The following DNM3 variants were observed in gnomAD, a reference collection of about 807,000 sequenced individuals.
The protein encoded by DNM3 is dynamin 3.
A neutral mutation model predicts 101.6 loss-of-function variants in DNM3; 47 were observed. The observed-to-expected ratio is 0.46, with a 90% CI of 0.37 to 0.59. The LOEUF (loss-of-function observed/expected upper bound fraction) is 0.59, where lower values mean the gene tolerates loss of function less well. Among genes scored for constraint, DNM3 ranks in the 20% least tolerant of loss-of-function variants. The pLI is 0.00. For synonymous variants in DNM3, 385 were observed against 387.9 expected (o/e 0.99, Z 0.09); for missense variants, 849 against 1,085.7 (o/e 0.78, Z 3.06).
intron 4 of DNM3, among the ~76,000 whole-genome samples, chr1:171,997,383 G>T (rs908038302): frequency 6.6e-6 from 1 of 152,092 alleles, no homozygotes; most frequent in South Asian, 2.1e-4. Context: ...TGGGGCTGGG[G>T]TGGGATAGAA....
intron 17 of DNM3, among the ~76,000 whole-genome samples, chr1:172,366,148 A>G (rs2068006146): frequency 6.6e-6 from 1 of 151,802 alleles, no homozygotes; most frequent in African/African-American, 2.4e-5. Context: ...TAGGAGCATT[A>G]GTTGATCCCA....
intron 16 of DNM3, among the ~76,000 whole-genome samples, chr1:172,315,155 G>C (rs1003789123): frequency 6.6e-5 from 10 of 152,270 alleles, no homozygotes; most frequent in African/African-American, 2.2e-4. Flanking sequence ...CTCTAGCAAA[G>C]TCCAACAGAC....
intron 20 of DNM3, among the ~76,000 whole-genome samples, chr1:172,389,986 G>A (rs1241847250): frequency 6.6e-6 from 1 of 152,134 alleles, no homozygotes; most frequent in Non-Finnish European, 1.5e-5. Context: ...ATGAAACAGG[G>A]AGAACTCAAT....
chr1:172,259,375 G>A (rs959499672), intron 15 of DNM3, among the ~76,000 whole-genome samples: 31 of 151,934 alleles, frequency 2.0e-4, no homozygotes, highest in African/African-American at 6.5e-4. Flanking sequence ...CTGTATTAGA[G>A]TCTTTCCCTT....
intron 1 of DNM3, among the ~76,000 whole-genome samples, chr1:171,919,618 A>G (rs2039997644): frequency 6.6e-6 from 1 of 152,224 alleles, no homozygotes; most frequent in Admixed American, 6.5e-5. Context: ...AAAATAAAAC[A>G]AACAAAACAA....
intron 2 of DNM3, among the ~76,000 whole-genome samples, chr1:171,980,156 T>TG (rs1395640072): frequency 6.6e-6 from 1 of 151,620 alleles, no homozygotes; most frequent in Admixed American, 6.6e-5. Context: ...ATTTCCTTTT[T>TG]TTTTTTTTTG....
At chr1:172,056,006 A>C (rs146098708) in intron 10 of DNM3, among the ~76,000 whole-genome samples, 1 of 152,216 alleles carries the variant, frequency 6.6e-6, no homozygotes, top group African/African-American at 2.4e-5. Flanking sequence ...GAGCCGAAGC[A>C]GGGTGAAGCA....
chr1:172,329,820 A>G (rs2066105795), intron 17 of DNM3, among the ~76,000 whole-genome samples: 3 of 152,212 alleles, frequency 2.0e-5, no homozygotes, highest in African/African-American at 7.2e-5. Context: ...AAGGGGGCCA[A>G]ATCAATAGAG....
At chr1:172,124,873 G>A (rs1201109724) in intron 13 of DNM3, among the ~76,000 whole-genome samples, 1 of 152,196 alleles carries the variant, frequency 6.6e-6, no homozygotes, top group Non-Finnish European at 1.5e-5. Flanking sequence ...TGCCAGGCCT[G>A]TAAATGGGAA....
intron 2 of DNM3, among the ~76,000 whole-genome samples, chr1:171,981,265 G>A (rs2044769322): frequency 6.6e-6 from 1 of 152,134 alleles, no homozygotes; most frequent in African/African-American, 2.4e-5. Flanking sequence ...GGAGCCCTGT[G>A]CTCACAAAAC....
intron 13 of DNM3, among the ~76,000 whole-genome samples, chr1:172,121,677 G>A (rs2056330678): frequency 6.6e-6 from 1 of 152,160 alleles, no homozygotes; most frequent in African/African-American, 2.4e-5. Context: ...GTAACTTGGA[G>A]TTCTGTTTAA....
At chr1:172,086,171 G>T (rs532561913) in intron 12 of DNM3, among the ~76,000 whole-genome samples, 3 of 152,076 alleles carry the variant, frequency 2.0e-5, no homozygotes, top group African/African-American at 2.4e-5. Flanking sequence ...TCCTTAACAT[G>T]AATCTTAGGA....
chr1:172,313,190 T>C (rs2065152678), intron 16 of DNM3, among the ~76,000 whole-genome samples: 1 of 152,258 alleles, frequency 6.6e-6, no homozygotes, highest in South Asian at 2.1e-4. Flanking sequence ...TTTGATATCA[T>C]TAAATATGTA....
At chr1:172,235,140 A>C (rs568355285) in intron 14 of DNM3, among the ~76,000 whole-genome samples, 1 of 152,366 alleles carries the variant, frequency 6.6e-6, no homozygotes, top group Non-Finnish European at 1.5e-5. Flanking sequence ...CAAAGAACTC[A>C]AACAAATTTA....
intron 15 of DNM3, among the ~76,000 whole-genome samples, chr1:172,264,359 C>T (rs1557901142): frequency 6.6e-6 from 1 of 152,272 alleles, no homozygotes; most frequent in East Asian, 1.9e-4. Context: ...GTGGTAAAAT[C>T]ATGCATCTTT....
At chr1:172,364,067 T>C (rs934525489) in intron 17 of DNM3, among the ~76,000 whole-genome samples, 1 of 151,982 alleles carries the variant, frequency 6.6e-6, no homozygotes, top group Non-Finnish European at 1.5e-5. Context: ...ACACATTGTT[T>C]TTGGCCTGTT....
chr1:172,086,310 T>G (rs1467441556), intron 12 of DNM3, among the ~76,000 whole-genome samples: 4 of 152,202 alleles, frequency 2.6e-5, no homozygotes, highest in African/African-American at 9.6e-5. Flanking sequence ...TCAGTCTGAT[T>G]GGACGGAGCC....
intron 17 of DNM3, among the ~76,000 whole-genome samples, chr1:172,333,318 A>G (rs1307848339): frequency 1.3e-5 from 2 of 152,180 alleles, no homozygotes; most frequent in Non-Finnish European, 2.9e-5. Context: ...AAGTAGACTG[A>G]ACAAGTGAGT....
intron 16 of DNM3, among the ~76,000 whole-genome samples, chr1:172,314,880 A>C (rs1208282490): frequency 3.3e-5 from 5 of 152,290 alleles, no homozygotes; most frequent in Admixed American, 3.3e-4. Context: ...AGCTTTGAAG[A>C]GAGCAGTGGT....
Sources: gnomAD v4.1 joint callset for allele counts (sites outside exome capture counted in the v4.1 genomes callset) on GRCh38, gnomAD v4.1.1 for gene constraint, MANE v1.5 for transcripts, NCBI Gene and HGNC (gene_info 2026-07-23, HGNC 2026-07-21) for gene names.